The following SEC24C variants were observed in gnomAD, a reference collection of about 807,000 sequenced individuals.
SEC24C encodes protein transport protein Sec24C.
Under a neutral mutation model 117.0 loss-of-function variants are expected in SEC24C, and 22 were observed. The observed-to-expected ratio is 0.19, with a 90% CI of 0.13 to 0.27. SEC24C has a LOEUF of 0.27. Among genes scored for constraint, SEC24C ranks in the 10% least tolerant of loss-of-function variants. The probability of loss-of-function intolerance (pLI) is 1.00; values close to 1 mark genes in which losing one functional copy is unlikely to be tolerated. For missense variants in SEC24C, 1,155 were observed against 1,375.1 expected (o/e 0.84, Z 2.53); for synonymous variants, 506 against 529.4 (o/e 0.96, Z 0.61).
chr10:73,755,653 G>T (rs1220749320), intron 3 of SEC24C, among the ~76,000 whole-genome samples: 2 of 151,478 alleles, frequency 1.3e-5, no homozygotes, highest in African/African-American at 4.9e-5. Context: ...CTCCAGCCTG[G>T]GCGACAGACA....
At chr10:73,762,268 C>T in intron 6 of SEC24C, 1 of 765,526 alleles carries the variant, frequency 1.3e-6, no homozygotes, top group Non-Finnish European at 1.9e-6. Context: ...GTCCATTCCT[C>T]CCCATTCTCT....
In SEC24C at chr10:73,751,383, A is replaced by G. The variant is rs543598238; in HGVS notation, c.308+140A>G. The G allele has an allele frequency of 2.2e-5, 16 of 725,852 alleles. No homozygotes were observed. The East Asian group carries it at 4.7e-4, about 21-fold the overall frequency. 45.0% of individuals were successfully genotyped at this position (725,852 alleles called of 1,614,324 possible). ...TGAGACCAGCCTGGCCAACATGGCAAAACCCCATCTCTTTTCTCAAATAAA... is the reference window on the plus strand; with the variant it reads ...TGAGACCAGCCTGGCCAACATGGCAGAACCCCATCTCTTTTCTCAAATAAA... On this transcript the variant is annotated intron_variant, in intron 3 of 22. Coordinates refer to ENST00000345254, the MANE Select transcript of SEC24C (RefSeq NM_198597.3).
rs118003222 is a variant in SEC24C, at chr10:73,751,296, C to T, written c.308+53C>T. 2.1e-3 allele frequency: 3,286 copies of T among 1,553,628 alleles called. 63 individuals are homozygous for T. In the East Asian group the frequency reaches 0.045, roughly 21 times the overall value. On this transcript the variant is annotated intron_variant, in intron 3 of 22. Transcript: ENST00000345254. ...TCTGATGAGGCTGAGTGCAGTGGCT[C>T]ATGCCTGTAATCCCAGCACTTTGGG...
At chr10:73,750,777 G>A (rs1487122902) in intron 2 of SEC24C, among the ~76,000 whole-genome samples, 1 of 152,164 alleles carries the variant, frequency 6.6e-6, no homozygotes, top group Non-Finnish European at 1.5e-5. Context: ...TTCCTTAAAA[G>A]GGTTGGCTTG....
rs1280614820 is a variant in SEC24C, at chr10:73,766,112, C to T, written c.1509C>T (p.Ala503=). ...CKNNKFPSPP[A]FIFMIDVSYN... is the part of the protein sequence containing the mutation. ...ACAATAAGTTCCCCAGCCCTCCTGC[C>T]TTTATCTTCATGATTGACGTCTCCT... Residue 503 remains alanine, a synonymous_variant, in exon 11 of 23, where the codon GCC becomes GCT. Coordinates refer to ENST00000345254, the MANE Select transcript of SEC24C (RefSeq NM_198597.3). 1.2e-6 allele frequency: 2 copies of T among 1,613,412 alleles called. No homozygotes were observed. Among genetic ancestry groups the T allele is most frequent in the African/African-American group, 1.3e-5 (1 of 74,888 alleles).
At position 73,766,518 on chromosome 10, in the gene SEC24C, T is replaced by C. The variant is rs2082886134; in HGVS notation, c.1776T>C (p.Asn592=). The change falls in exon 12 of 23, where the codon AAT becomes AAC. Residue 592 remains asparagine (N), a synonymous_variant. Transcript: ENST00000345254. ...PLLDGFLVNV[N]ESRAVITSLL... is the part of the protein sequence containing the mutation. ...TGGATGGCTTCCTGGTCAACGTCAATGAGTCTCGGGCAGTTATCACCAGGT... is the reference window on the plus strand; with the variant it reads ...TGGATGGCTTCCTGGTCAACGTCAACGAGTCTCGGGCAGTTATCACCAGGT... 1 of 1,611,166 alleles carries C rather than the reference T, an allele frequency of 6.2e-7. No homozygotes were observed. The highest frequency in any genetic ancestry group is 1.1e-5 in the South Asian group (1 of 90,978).
At chr10:73,767,299 T>G in intron 14 of SEC24C, 129 bp downstream of exon 14, 1 of 636,134 alleles carries the variant, frequency 1.6e-6, no homozygotes, top group Non-Finnish European at 2.8e-6. Flanking sequence ...ACTGCCAACC[T>G]CCACTGCTGC....
intron 6 of SEC24C, among the ~76,000 whole-genome samples, chr10:73,761,514 G>A (rs2082795885): frequency 6.6e-6 from 1 of 152,140 alleles, no homozygotes; most frequent in Non-Finnish European, 1.5e-5. Context: ...TGCCAAGTAG[G>A]GGCCACTTTA....
chr10:73,766,986 C>CTTA, intron 13 of SEC24C, 68 bp from the exon 14 acceptor site: 1 of 1,426,016 alleles, frequency 7.0e-7, no homozygotes. Flanking sequence ...ATAGCTGGTG[C>CTTA]TTAATAAATG....
Position 73,766,112 on chromosome 10 carries a change from C to A in SEC24C, c.1509C>A (p.Ala503=). 2 of 1,613,530 alleles carry A rather than the reference C, an allele frequency of 1.2e-6. No homozygotes were observed. The highest frequency in any genetic ancestry group is 1.7e-6 in the Non-Finnish European group (2 of 1,180,010). The change falls in exon 11 of 23, where the codon GCC becomes GCA. Residue 503 remains alanine, a synonymous_variant. Transcript: ENST00000345254. ...CKNNKFPSPP[A]FIFMIDVSYN... is the part of the protein sequence containing the mutation. ...ACAATAAGTTCCCCAGCCCTCCTGCCTTTATCTTCATGATTGACGTCTCCT... is the reference window on the plus strand; with the variant it reads ...ACAATAAGTTCCCCAGCCCTCCTGCATTTATCTTCATGATTGACGTCTCCT...
At position 73,772,087 on chromosome 10, in the gene SEC24C, C is replaced by T. The variant is rs1403987954; in HGVS notation, c.*992C>T. 2.0e-5 allele frequency: 8 copies of T among 392,786 alleles called. No individual in the cohort carries two copies. Among genetic ancestry groups the T allele is most frequent in the Non-Finnish European group, 3.2e-5 (7 of 222,178 alleles). 24.3% of individuals were successfully genotyped at this position (392,786 alleles called of 1,614,324 possible). A position where few individuals can be genotyped will look rare whatever the true frequency, so the allele number is the denominator to read the frequency against. The stretch of plus-strand genomic sequence containing the variant: ...CACCTGGGATGCCCCTGCTCTGGAC[C>T]TCTCATTTCTCTTCATTGGTTTATT... On this transcript the variant is annotated 3_prime_UTR_variant, in exon 23 of 23. Coordinates refer to ENST00000345254, the MANE Select transcript of SEC24C (RefSeq NM_198597.3).
chr10:73,748,738 A>T (rs978377014), intron 2 of SEC24C, among the ~76,000 whole-genome samples: 1 of 137,534 alleles, frequency 7.3e-6, no homozygotes, highest in African/African-American at 2.8e-5. Flanking sequence ...ACCTGGCCTT[A>T]TTTTTTTTCT....
chr10:73,750,148 T>C (rs528017893), intron 2 of SEC24C, among the ~76,000 whole-genome samples: 2 of 152,340 alleles, frequency 1.3e-5, no homozygotes, highest in African/African-American at 2.4e-5. Flanking sequence ...CACCTCTGCT[T>C]TGTCAAGTGC....
chr10:73,763,403 A>T, intron 6 of SEC24C, 87 bp from the exon 7 acceptor site: 1 of 847,102 alleles, frequency 1.2e-6, no homozygotes, highest in Non-Finnish European at 1.9e-6. Context: ...TTTTTGTGTT[A>T]CAGCTCTAGC....
intron 14 of SEC24C, among the ~76,000 whole-genome samples, chr10:73,767,458 A>G (rs2082902289): frequency 6.6e-6 from 1 of 152,204 alleles, no homozygotes; most frequent in Admixed American, 6.5e-5. Flanking sequence ...TTTTGAGGCC[A>G]GAAGTTTGAG....
At position 73,752,817 on chromosome 10, in the gene SEC24C, C is replaced by T. The variant is rs150197969; in HGVS notation, c.308+1574C>T. Among the ~76,000 whole-genome samples, 1,118 of 152,158 alleles carry T rather than the reference C, an allele frequency of 7.3e-3. 9 individuals carry two copies. The highest frequency in any genetic ancestry group is 0.011 in the Non-Finnish European group (727 of 67,984). On this transcript the variant is annotated intron_variant, in intron 3 of 22. Transcript: ENST00000345254. ...CCAGTCTAGGTGACAAAGCAAGACC[C>T]TGTCACAAAAAAACAAAACAAAACA...
chr10:73,769,697 C>T lies in SEC24C; in HGVS notation c.2646C>T (p.Tyr882=). 1.2e-6 allele frequency: 2 copies of T among 1,614,202 alleles called. No individual in the cohort carries two copies. The highest frequency in any genetic ancestry group is 1.1e-5 in the South Asian group (1 of 91,082). Residue 882 remains tyrosine, a synonymous_variant, in exon 19 of 23, where the codon TAC becomes TAT. Transcript: ENST00000345254. This position sits in a 1 kb window ranked among gnomAD's most constrained non-coding sequence, Gnocchi z 4.5. The part of the protein sequence containing the change: ...ITQCAQILAC[Y]RKNCASPSSA... ...AGTGTGCCCAGATCCTGGCCTGTTA[C>T]AGAAAGAACTGTGCTAGCCCCTCCT... is the stretch of plus-strand genomic sequence containing the variant.
chr10:73,767,314 C>T (rs1219555944), intron 14 of SEC24C, 144 bp downstream of exon 14: 2 of 608,456 alleles, frequency 3.3e-6, no homozygotes, highest in Non-Finnish European at 5.9e-6. Context: ...TGCTGCCATA[C>T]TTCTCTACTC....
chr10:73,764,306 C>T (rs924215374), intron 8 of SEC24C, among the ~76,000 whole-genome samples: 1 of 151,986 alleles, frequency 6.6e-6, no homozygotes, highest in Non-Finnish European at 1.5e-5. Context: ...GGGTGGATCA[C>T]GAGGACAGGA....
Sources: allele counts gnomAD v4.1 joint callset (sites outside exome capture counted in the v4.1 genomes callset), GRCh38; gene constraint gnomAD v4.1.1; non-coding constraint Gnocchi (gnomAD v3.1); transcripts MANE v1.5; gene names NCBI Gene and HGNC (gene_info 2026-07-23, HGNC 2026-07-21).